The following KCTD8 variants were observed in gnomAD, a reference collection of about 807,000 sequenced individuals.
KCTD8 encodes the protein potassium channel tetramerization domain containing 8.
KCTD8 carries 27 observed loss-of-function variants against 31.5 expected under a neutral mutation model. That is an observed-to-expected ratio of 0.86 (90% CI 0.63 to 1.18). The LOEUF (loss-of-function observed/expected upper bound fraction) is 1.18. KCTD8 is among the 50% of genes most tolerant of loss of function. The pLI, the probability that KCTD8 is intolerant of heterozygous loss-of-function variation, is 0.00. For missense variants in KCTD8, 658 were observed against 647.7 expected (o/e 1.02, Z -0.17); for synonymous variants, 290 against 280.0 (o/e 1.04, Z -0.36).
At chr4:44,352,917 G>C (rs1287698500) in intron 1 of KCTD8, among the ~76,000 whole-genome samples, 1 of 151,972 alleles carries the variant, frequency 6.6e-6, no homozygotes, top group Non-Finnish European at 1.5e-5. Flanking sequence ...CCAAAACTCA[G>C]GTTGTGCTTA....
At chr4:44,334,774 G>A (rs769269996) in intron 1 of KCTD8, among the ~76,000 whole-genome samples, 1 of 152,080 alleles carries the variant, frequency 6.6e-6, no homozygotes, top group African/African-American at 2.4e-5. Flanking sequence ...TTAGGGAATA[G>A]TAACTGTCAT....
At chr4:44,381,898 C>A (rs1293978290) in intron 1 of KCTD8, among the ~76,000 whole-genome samples, 1 of 152,042 alleles carries the variant, frequency 6.6e-6, no homozygotes, top group Non-Finnish European at 1.5e-5. Flanking sequence ...GAACCATGAG[C>A]CAATTAAACC....
At chr4:44,288,820 A>G (rs1234794768) in intron 1 of KCTD8, among the ~76,000 whole-genome samples, 2 of 152,058 alleles carry the variant, frequency 1.3e-5, no homozygotes, top group African/African-American at 4.8e-5. Context: ...TCCTTTCTGC[A>G]TATATACTGA....
At chr4:44,194,720 A>G (rs968188689) in intron 1 of KCTD8, among the ~76,000 whole-genome samples, 2 of 149,640 alleles carry the variant, frequency 1.3e-5, no homozygotes, top group Non-Finnish European at 3.0e-5. Context: ...TGCTACTTGA[A>G]TGAAAAATTC....
rs1716629513 is a variant in KCTD8 at position 44,272,121 on chromosome 4, T to TATATATATATATATATATATATATATA, written c.962-96872_962-96871insTATATATATATATATATATATATATAT. On this transcript the variant is annotated intron_variant, in intron 1 of 1. Transcript: ENST00000360029. ...ATCAATAAATACCCATGGTATTATA[T>TATATATATATATATATATATATATATA]TATATATATATATATATATAAATGC... Among the ~76,000 whole-genome samples, 59 of 142,522 alleles carry TATATATATATATATATATATATATATA rather than the reference T, an allele frequency of 4.1e-4. 2 individuals carry two copies. The highest frequency in any genetic ancestry group is 1.6e-3 in the African/African-American group (58 of 36,586). 93.5% of individuals were successfully genotyped at this position (142,522 alleles called of 152,430 possible).
chr4:44,395,312 G>A (rs927238187), intron 1 of KCTD8, among the ~76,000 whole-genome samples: 12 of 152,112 alleles, frequency 7.9e-5, no homozygotes, highest in African/African-American at 2.7e-4. Flanking sequence ...CACATGATTA[G>A]CAAAAGGAAA....
intron 1 of KCTD8, among the ~76,000 whole-genome samples, chr4:44,389,829 A>AT (rs913412579): frequency 2.1e-4 from 32 of 151,482 alleles, no homozygotes; most frequent in African/African-American, 7.5e-4. Context: ...TTATACGTGG[A>AT]TTTTTTTTCA....
chr4:44,322,263 T>C (rs1358350472), intron 1 of KCTD8, among the ~76,000 whole-genome samples: 1 of 152,078 alleles, frequency 6.6e-6, no homozygotes, highest in African/African-American at 2.4e-5. Context: ...TAGCATTTAA[T>C]TGCTGTCTTT....
At chr4:44,418,136 A>ATTCG (rs1721121004) in intron 1 of KCTD8, among the ~76,000 whole-genome samples, 1 of 152,158 alleles carries the variant, frequency 6.6e-6, no homozygotes, top group South Asian at 2.1e-4. Flanking sequence ...TGCCTCTGCA[A>ATTCG]TGGAGAAAAT....
chr4:44,441,758 TAAAC>T (rs781063502), intron 1 of KCTD8, among the ~76,000 whole-genome samples: 13 of 152,274 alleles, frequency 8.5e-5, no homozygotes, highest in Middle Eastern at 6.8e-3. Context: ...TTATAAGAAA[TAAAC>T]AAAGTAATGT....
intron 1 of KCTD8, among the ~76,000 whole-genome samples, chr4:44,275,179 G>A (rs772048115): frequency 4.6e-5 from 7 of 151,928 alleles, no homozygotes; most frequent in East Asian, 1.9e-4. Flanking sequence ...TATGGAAGAT[G>A]TAAGTGCACA....
At chr4:44,300,188 A>G (rs375669269) in intron 1 of KCTD8, among the ~76,000 whole-genome samples, 18 of 152,214 alleles carry the variant, frequency 1.2e-4, no homozygotes, top group East Asian at 9.6e-4. Context: ...CACACTTATG[A>G]GTAAATTAGA....
At chr4:44,294,559 G>C (rs1208367164) in intron 1 of KCTD8, among the ~76,000 whole-genome samples, 1 of 152,126 alleles carries the variant, frequency 6.6e-6, no homozygotes, top group Non-Finnish European at 1.5e-5. Flanking sequence ...CTTTGAAATA[G>C]AGTGTCTATT....
At chr4:44,179,519 T>TATA (rs1044202732) in intron 1 of KCTD8, among the ~76,000 whole-genome samples, 1 of 147,934 alleles carries the variant, frequency 6.8e-6, no homozygotes, top group African/African-American at 2.5e-5. Context: ...TTATATATTT[T>TATA]TATATATATA....
Position 44,297,903 on chromosome 4 carries a change from C to T in KCTD8, c.962-122653G>A, listed in dbSNP as rs184715485. 2.7e-3 allele frequency among the ~76,000 whole-genome samples: 417 copies of T among 152,234 alleles called. 1 individual carries two copies. Among genetic ancestry groups the T allele is most frequent in the Middle Eastern group, 0.01 (3 of 294 alleles). On this transcript the variant is annotated intron_variant, in intron 1 of 1. Coordinates refer to ENST00000360029, the MANE Select transcript of KCTD8 (RefSeq NM_198353.3). ...GGAATATTTTACCTCTTGTAATTAG[C>T]GGCCAGTCCTTGCTTTTAAAGCACA...
chr4:44,273,205 T>C (rs899903200), intron 1 of KCTD8, among the ~76,000 whole-genome samples: 2 of 152,016 alleles, frequency 1.3e-5, no homozygotes, highest in African/African-American at 4.8e-5. Context: ...ATTCACTCCA[T>C]GTGACATATA....
chr4:44,225,622 A>G (rs1409150786), intron 1 of KCTD8, among the ~76,000 whole-genome samples: 1 of 152,028 alleles, frequency 6.6e-6, no homozygotes, highest in Non-Finnish European at 1.5e-5. Flanking sequence ...CTTTGTATCC[A>G]CGATGGTGAT....
intron 1 of KCTD8, among the ~76,000 whole-genome samples, chr4:44,252,635 A>T (rs1454378520): frequency 6.6e-6 from 1 of 151,668 alleles, no homozygotes; most frequent in African/African-American, 2.4e-5. Flanking sequence ...TTTACTGTAA[A>T]AATTTTAGTA....
intron 1 of KCTD8, among the ~76,000 whole-genome samples, chr4:44,244,953 T>C (rs1715611173): frequency 6.6e-6 from 1 of 152,152 alleles, no homozygotes; most frequent in African/African-American, 2.4e-5. Context: ...GCTGAAGCCT[T>C]TATGATGGGT....
Sources: allele counts gnomAD v4.1 joint callset (sites outside exome capture counted in the v4.1 genomes callset), GRCh38; gene constraint gnomAD v4.1.1; transcripts MANE v1.5; gene names NCBI Gene and HGNC (gene_info 2026-07-23, HGNC 2026-07-21).